Variants in ADCY3 observed in about 807,000 individuals in gnomAD.
The protein encoded by ADCY3 is adenylate cyclase 3.
ADCY3 carries 70 observed loss-of-function variants against 119.4 expected under a neutral mutation model. The ratio of observed to expected loss-of-function variants is 0.59; its 90% CI spans 0.48 to 0.72. The LOEUF (loss-of-function observed/expected upper bound fraction) is 0.72, where lower values mean the gene tolerates loss of function less well. Among genes scored for constraint, ADCY3 ranks in the 30% least tolerant of loss-of-function variants. ADCY3 has a pLI of 0.00. For missense variants in ADCY3, 1,238 were observed against 1,541.6 expected (o/e 0.80, Z 3.30); for synonymous variants, 672 against 621.4 (o/e 1.08, Z -1.21).
At chr2:24,910,100 G>T (rs940298755) in intron 2 of ADCY3, among the ~76,000 whole-genome samples, 1 of 152,176 alleles carries the variant, frequency 6.6e-6, no homozygotes, top group African/African-American at 2.4e-5. Flanking sequence ...ATGAAACAGC[G>T]CAGGTGGACA....
chr2:24,860,022 C>T (rs1289552069), intron 3 of ADCY3, among the ~76,000 whole-genome samples: 2 of 152,198 alleles, frequency 1.3e-5, no homozygotes, highest in African/African-American at 2.4e-5. Flanking sequence ...AGGCACAGGG[C>T]CAGTTAACCA....
intron 2 of ADCY3, among the ~76,000 whole-genome samples, chr2:24,889,791 G>A (rs186011677): frequency 3.7e-4 from 56 of 152,332 alleles, no homozygotes; most frequent in East Asian, 1.9e-4. Flanking sequence ...AGCCAAGGTC[G>A]CGCCATTGCA....
At chr2:24,900,539 G>T (rs1284892151) in intron 2 of ADCY3, among the ~76,000 whole-genome samples, 1 of 152,090 alleles carries the variant, frequency 6.6e-6, no homozygotes, top group East Asian at 2.0e-4. Context: ...AAGGTTCTGT[G>T]AGCAGCCTGG....
chr2:24,831,690 A>T lies in ADCY3; in HGVS notation c.2027T>A (p.Ile676Asn). 6.2e-7 allele frequency: 1 copy of T among 1,614,040 alleles called. No individual in the cohort carries two copies. The highest frequency in any genetic ancestry group is 8.5e-7 in the Non-Finnish European group (1 of 1,179,992). ...VGEILLLILT[I>N]CSLAAIFPRA... ...GGGAAAGATGGCAGCCAGGGAGCAG[A>T]TGGTCAGGATGAGGAGCAGAATCTC... The change falls in exon 12 of 22, where the codon ATC becomes AAC. Residue 676 changes from isoleucine (I) to asparagine (N), a missense_variant. Transcript: ENST00000679454.
At position 24,878,709 on chromosome 2, in the gene ADCY3, C is replaced by T. The variant is rs1676016082; in HGVS notation, c.676-5990G>A. ...CCCACCCAAGGAGGCCCAGCCAGAG[C>T]CTGTGAGGCCGCCACTCAGCACAGA... On this transcript the variant is annotated intron_variant, in intron 2 of 21. Coordinates refer to ENST00000679454, the MANE Select transcript of ADCY3 (RefSeq NM_004036.5). This position sits in a 1 kb window ranked among gnomAD's most constrained non-coding sequence, Gnocchi z 4.0. Among the ~76,000 whole-genome samples the T allele has an allele frequency of 6.6e-6, 1 of 152,196 alleles. No individual in the cohort carries two copies. The highest frequency in any genetic ancestry group is 2.4e-5 in the African/African-American group (1 of 41,454).
intron 11 of ADCY3, 80 bp from the exon 12 acceptor site, chr2:24,831,829 G>C (rs1196044933): frequency 1.0e-6 from 1 of 976,168 alleles, no homozygotes; most frequent in African/African-American, 1.6e-5. Flanking sequence ...GAAGGGACGG[G>C]GATGGGGGCA....
chr2:24,898,365 T>C lies in ADCY3; in HGVS notation c.675+19948A>G, dbSNP rs1475871839. Among the ~76,000 whole-genome samples, 1 of 151,688 alleles carries C rather than the reference T, an allele frequency of 6.6e-6. No individual in the cohort carries two copies. Among genetic ancestry groups the C allele is most frequent in the African/African-American group, 2.4e-5 (1 of 41,252 alleles). On this transcript the variant is annotated intron_variant, in intron 2 of 21. Coordinates refer to ENST00000679454, the MANE Select transcript of ADCY3 (RefSeq NM_004036.5). This position sits in a 1 kb window ranked among gnomAD's most constrained non-coding sequence, Gnocchi z 4.3. ...GAAGAAAGGAAGGGAGTGGACCTAC[T>C]GTCTGCGGGATGGGAGTCGGGACAC...
intron 3 of ADCY3, among the ~76,000 whole-genome samples, chr2:24,865,489 C>CTGTGTGTG (rs3222240): frequency 0.018 from 2,593 of 140,480 alleles, 36 homozygotes; most frequent in Non-Finnish European, 0.027. Flanking sequence ...AGGCTATCAT[C>CTGTGTGTG]TGTGTGTGTG....
At position 24,918,369 on chromosome 2, in the gene ADCY3, C is replaced by T. The variant is rs200076026; in HGVS notation, c.619G>A (p.Val207Ile). Residue 207 changes from valine to isoleucine, a missense_variant, in exon 2 of 22, where the codon GTC becomes ATC. By Grantham distance (29) the Val-to-Ile change is conservative. Transcript: ENST00000679454. This position sits in a 1 kb window ranked among gnomAD's most constrained non-coding sequence, Gnocchi z 5.4. ...TCCTGCTGCTGCTGGGCCACGGTGA[C>T]CCCCAGGACCAACGTGTGCACCACA... is the stretch of plus-strand genomic sequence containing the variant. ...SCVVHTLVLG[V>I]TVAQQQQEEL... 983 of 1,609,052 alleles carry T rather than the reference C, an allele frequency of 6.1e-4. 1 individual carries two copies. The highest frequency in any genetic ancestry group is 4.8e-4 in the Non-Finnish European group (565 of 1,177,578).
chr2:24,889,938 C>T (rs1677483781), intron 2 of ADCY3, among the ~76,000 whole-genome samples: 1 of 152,214 alleles, frequency 6.6e-6, no homozygotes, highest in Non-Finnish European at 1.5e-5. Flanking sequence ...TTCAGACTTT[C>T]TCTATTAAAT....
At chr2:24,907,760 C>T (rs1052568109) in intron 2 of ADCY3, among the ~76,000 whole-genome samples, 8 of 152,154 alleles carry the variant, frequency 5.3e-5, no homozygotes, top group Admixed American at 3.9e-4. Context: ...TTTGGGAGGC[C>T]GAGGTGGGCA....
At position 24,827,922 on chromosome 2, in the gene ADCY3, G is replaced by C. The variant is rs773315426; in HGVS notation, c.2412C>G (p.His804Gln). ...AWRPVFDEYD[H>Q]KRFREHDLPM... ...CTTACTCGTGCTCCCGAAAACGCTTGTGGTCGTATTCATCAAAGACGGGAC... is the reference window on the plus strand; with the variant it reads ...CTTACTCGTGCTCCCGAAAACGCTTCTGGTCGTATTCATCAAAGACGGGAC... Residue 804 changes from histidine (H) to glutamine (Q), a missense_variant, in exon 14 of 22, where the codon CAC (histidine) becomes CAG (glutamine). His to Gln is a conservative substitution (Grantham distance 24, BLOSUM62 0). This residue lies in a region of ADCY3 where 499 missense variants were observed against 571.0 expected (regional missense o/e 0.87). Coordinates refer to ENST00000679454, the MANE Select transcript of ADCY3 (RefSeq NM_004036.5). 5.6e-6 allele frequency: 9 copies of C among 1,614,060 alleles called. No homozygotes were observed. In the Admixed American group the frequency reaches 1.3e-4, roughly 24 times the overall value.
intron 2 of ADCY3, among the ~76,000 whole-genome samples, chr2:24,880,147 C>T (rs1212523283): frequency 1.3e-5 from 2 of 152,200 alleles, no homozygotes; most frequent in East Asian, 3.8e-4. Flanking sequence ...ATAACTTGTG[C>T]ATGCCTTTGG....
At chr2:24,895,302 T>C (rs1025446471) in intron 2 of ADCY3, among the ~76,000 whole-genome samples, 2 of 151,112 alleles carry the variant, frequency 1.3e-5, no homozygotes, top group Non-Finnish European at 1.5e-5. Flanking sequence ...TGTTTGTCGA[T>C]GGTCTCGATC....
At chr2:24,903,807 G>A (rs889343068) in intron 2 of ADCY3, among the ~76,000 whole-genome samples, 1 of 152,142 alleles carries the variant, frequency 6.6e-6, no homozygotes, top group East Asian at 1.9e-4. Flanking sequence ...AATGCAACTC[G>A]AAGCCTCAGG....
chr2:24,824,230 T>C (rs1237548629), intron 17 of ADCY3, 148 bp downstream of exon 17: 1 of 989,424 alleles, frequency 1.0e-6, no homozygotes, highest in Non-Finnish European at 1.5e-6. Flanking sequence ...CCTCTTTTGC[T>C]TATTTGTGTT....
At position 24,895,167 on chromosome 2, in the gene ADCY3, T is replaced by G. The variant is rs184610811; in HGVS notation, c.676-22448A>C. Among the ~76,000 whole-genome samples the G allele has an allele frequency of 2.6e-5, 4 of 152,308 alleles. No individual in the cohort carries two copies. The East Asian group carries it at 7.7e-4, about 29-fold the overall frequency. ...GTGCAGTGGTGCAATCTCGGCTCACTGCAACCTCCTCCTCATGGGTTCAAG... is the reference window on the plus strand; with the variant it reads ...GTGCAGTGGTGCAATCTCGGCTCACGGCAACCTCCTCCTCATGGGTTCAAG... On this transcript the variant is annotated intron_variant, in intron 2 of 21. Transcript: ENST00000679454.
Position 24,830,732 on chromosome 2 carries a change from C to A in ADCY3, c.2149G>T (p.Val717Leu), listed in dbSNP as rs1004887256. ...TWAMLAIFIL[V>L]MANVVDMLSC... The stretch of plus-strand genomic sequence containing the variant: ...ACCATGTCCACGACATTTGCCATCA[C>A]CAGGATGAAGATGGCGAGCATGGCC... Residue 717 changes from valine (V) to leucine (L), a missense_variant, in exon 13 of 22, where the codon GTG becomes TTG. By Grantham distance (32) the Val-to-Leu change is conservative. Around this residue, in one of 7 missense-constraint regions of ADCY3, gnomAD observed 499 missense variants for 571.0 expected, o/e 0.87. Coordinates refer to ENST00000679454, the MANE Select transcript of ADCY3 (RefSeq NM_004036.5). 2 of 1,613,888 alleles carry A rather than the reference C, an allele frequency of 1.2e-6. No homozygotes were observed. The highest frequency in any genetic ancestry group is 1.7e-6 in the Non-Finnish European group (2 of 1,179,918).
At chr2:24,876,025 C>T (rs992180690) in intron 2 of ADCY3, among the ~76,000 whole-genome samples, 4 of 151,884 alleles carry the variant, frequency 2.6e-5, no homozygotes, top group Admixed American at 6.6e-5. Flanking sequence ...CAGGGTCTCA[C>T]TCTGTTGCCC....
Sources: allele counts gnomAD v4.1 joint callset (sites outside exome capture counted in the v4.1 genomes callset), GRCh38; gene constraint gnomAD v4.1.1; regional missense constraint gnomAD v4.1.1; non-coding constraint Gnocchi (gnomAD v3.1); transcripts MANE v1.5; gene names NCBI Gene and HGNC (gene_info 2026-07-23, HGNC 2026-07-21).